Variants in TTC29 observed in about 807,000 individuals in gnomAD.
The protein encoded by TTC29 is tetratricopeptide repeat domain 29.
In TTC29, 49 loss-of-function variants were observed where a neutral mutation model predicts 58.1. That is an observed-to-expected ratio of 0.84 (90% confidence interval 0.67 to 1.07). TTC29 has a LOEUF of 1.07. Ranked by LOEUF, TTC29 falls within the 50% of genes least tolerant of loss-of-function variation. The probability of loss-of-function intolerance (pLI) is 0.00; values close to 1 mark genes in which losing one functional copy is unlikely to be tolerated. For synonymous variants in TTC29, 209 were observed against 196.8 expected (o/e 1.06, Z -0.52); for missense variants, 582 against 555.6 (o/e 1.05, Z -0.48).
chr4:146,889,915 A>G (rs1177334170), intron 6 of TTC29, among the ~76,000 whole-genome samples: 1 of 152,180 alleles, frequency 6.6e-6, no homozygotes, highest in African/African-American at 2.4e-5. Context: ...ATAGTATTCA[A>G]TTGATCACCA....
At chr4:146,839,344 G>C (rs1420006371) in intron 8 of TTC29, among the ~76,000 whole-genome samples, 1 of 151,934 alleles carries the variant, frequency 6.6e-6, no homozygotes, top group African/African-American at 2.4e-5. Flanking sequence ...TAAAAGATTT[G>C]TAATGTTCCC....
chr4:146,814,675 G>A (rs534363628), intron 10 of TTC29, among the ~76,000 whole-genome samples: 100 of 126,664 alleles, frequency 7.9e-4, no homozygotes, highest in African/African-American at 2.9e-3. Flanking sequence ...GCAGCGAGCC[G>A]AAATTGTGCC....
At chr4:146,804,313 G>T (rs1401528709) in intron 10 of TTC29, among the ~76,000 whole-genome samples, 1 of 152,152 alleles carries the variant, frequency 6.6e-6, no homozygotes, top group Non-Finnish European at 1.5e-5. Context: ...CGGCTGTTTG[G>T]GTAGACACTG....
At chr4:146,832,718 C>T (rs1439292583) in intron 9 of TTC29, among the ~76,000 whole-genome samples, 1 of 152,064 alleles carries the variant, frequency 6.6e-6, no homozygotes, top group African/African-American at 2.4e-5. Flanking sequence ...TCTCAAACTC[C>T]TGACCTCAGG....
At chr4:146,743,368 G>T (rs1745307118) in intron 11 of TTC29, among the ~76,000 whole-genome samples, 2 of 152,102 alleles carry the variant, frequency 1.3e-5, no homozygotes, top group African/African-American at 4.8e-5. Flanking sequence ...CAGTCACTCT[G>T]TTTTCAAGCT....
At chr4:146,901,282 C>A (rs191938227) in intron 6 of TTC29, among the ~76,000 whole-genome samples, 1 of 152,240 alleles carries the variant, frequency 6.6e-6, no homozygotes, top group African/African-American at 2.4e-5. Context: ...CATATCTCCC[C>A]AGTGTGTACA....
At chr4:146,905,359 C>A (rs1579954547) in intron 5 of TTC29, among the ~76,000 whole-genome samples, 2 of 149,054 alleles carry the variant, frequency 1.3e-5, no homozygotes, top group African/African-American at 4.9e-5. Context: ...TATATGTAGT[C>A]CCGAAACAAT....
chr4:146,938,704 T>G (rs1736078617), intron 3 of TTC29, among the ~76,000 whole-genome samples: 1 of 152,206 alleles, frequency 6.6e-6, no homozygotes. Context: ...CTGAATGTAT[T>G]TATTTTGTTC....
At chr4:146,739,513 A>G (rs1182479486) in intron 11 of TTC29, among the ~76,000 whole-genome samples, 1 of 152,196 alleles carries the variant, frequency 6.6e-6, no homozygotes, top group Non-Finnish European at 1.5e-5. Context: ...CTTAAGATTC[A>G]AAGTTGTATT....
chr4:146,896,661 C>T (rs999475948), intron 6 of TTC29, among the ~76,000 whole-genome samples: 1 of 152,178 alleles, frequency 6.6e-6, no homozygotes, highest in Non-Finnish European at 1.5e-5. Context: ...TATTCTTCCT[C>T]AGGAACTTCC....
chr4:146,854,664 A>G (rs550652191), intron 8 of TTC29, among the ~76,000 whole-genome samples: 1 of 152,244 alleles, frequency 6.6e-6, no homozygotes, highest in Non-Finnish European at 1.5e-5. Context: ...GTATGCCACC[A>G]GGAAATCACA....
At chr4:146,830,768 T>A (rs1728103726) in intron 9 of TTC29, among the ~76,000 whole-genome samples, 1 of 151,958 alleles carries the variant, frequency 6.6e-6, no homozygotes, top group Non-Finnish European at 1.5e-5. Flanking sequence ...TGTTTGTGTT[T>A]ATATGTGTGG....
At chr4:146,770,627 G>A (rs550137248) in intron 11 of TTC29, among the ~76,000 whole-genome samples, 2 of 151,944 alleles carry the variant, frequency 1.3e-5, no homozygotes, top group African/African-American at 2.4e-5. Flanking sequence ...TAACTCAAGA[G>A]TCAGTGACCA....
At chr4:146,909,876 T>C (rs1178898902) in intron 4 of TTC29, among the ~76,000 whole-genome samples, 1 of 152,150 alleles carries the variant, frequency 6.6e-6, no homozygotes, top group Non-Finnish European at 1.5e-5. Context: ...TCCTACTAAG[T>C]GCCAGGCGCT....
At chr4:146,854,670 TCA>T (rs1729725652) in intron 8 of TTC29, among the ~76,000 whole-genome samples, 1 of 151,982 alleles carries the variant, frequency 6.6e-6, no homozygotes, top group Admixed American at 6.6e-5. Context: ...CACCAGGAAA[TCA>T]CATACAGAAT....
chr4:146,885,666 G>A (rs549036732), intron 6 of TTC29, among the ~76,000 whole-genome samples: 15 of 152,202 alleles, frequency 9.9e-5, no homozygotes, highest in African/African-American at 3.4e-4. Flanking sequence ...ATAAGGGAGT[G>A]TGGCAAATTT....
chr4:146,850,397 C>T (rs1423203571), intron 8 of TTC29, among the ~76,000 whole-genome samples: 1 of 152,224 alleles, frequency 6.6e-6, no homozygotes, highest in African/African-American at 2.4e-5. Flanking sequence ...CTCTCTTCCA[C>T]CCCATTGACA....
intron 4 of TTC29, among the ~76,000 whole-genome samples, chr4:146,919,791 C>A (rs1459203724): frequency 6.6e-6 from 1 of 151,076 alleles, no homozygotes; most frequent in Non-Finnish European, 1.5e-5. Context: ...GAACTATCAA[C>A]TTCCCATATA....
chr4:146,893,742 G>C (rs139102025), intron 6 of TTC29, among the ~76,000 whole-genome samples: 3,954 of 152,092 alleles, frequency 0.026, 67 homozygotes, highest in Non-Finnish European at 0.04. Flanking sequence ...CAGAGTGAAC[G>C]GGCAACCTAC....
Sources: allele counts gnomAD v4.1 joint callset (sites outside exome capture counted in the v4.1 genomes callset), GRCh38; gene constraint gnomAD v4.1.1; transcripts MANE v1.5; gene names NCBI Gene and HGNC (gene_info 2026-07-23, HGNC 2026-07-21).